SAMD15: variants seen among roughly 807,000 people sequenced by gnomAD.
SAMD15 encodes the protein sterile alpha motif domain-containing protein 15.
In SAMD15, 37 loss-of-function variants were observed where a neutral mutation model predicts 50.5. That is an observed-to-expected ratio of 0.73 (90% CI 0.56 to 0.96). The LOEUF (loss-of-function observed/expected upper bound fraction) is 0.96. SAMD15 is among the 40% of genes least tolerant of loss of function. The pLI is 0.00. For missense variants in SAMD15, 789 were observed against 783.8 expected (o/e 1.01, Z -0.08); for synonymous variants, 255 against 282.8 (o/e 0.90, Z 0.99).
chr14:77,378,736 G>A lies in SAMD15; in HGVS notation c.1318G>A (p.Glu440Lys). The A allele has an allele frequency of 6.2e-7, 1 of 1,612,762 alleles. No individual in the cohort carries two copies. The highest frequency in any genetic ancestry group is 1.1e-5 in the South Asian group (1 of 90,702). ...GTATTCTGTAGGAAACGATGAGCTA[G>A]AGCACCGTGAGCCTAAAAGAGGAAA... ...SKYSVGNDEL[E>K]HREPKRGKLS... Residue 440 changes from glutamate (E) to lysine (K), a missense_variant, in exon 1 of 3, where the codon GAG becomes AAG. Glu to Lys is a moderately conservative substitution (Grantham distance 56, BLOSUM62 1). Transcript: ENST00000216471.
chr14:77,381,371 A>T (rs952498809), intron 2 of SAMD15, among the ~76,000 whole-genome samples: 1 of 152,186 alleles, frequency 6.6e-6, no homozygotes, highest in African/African-American at 2.4e-5. Context: ...CATCACAAAC[A>T]ATCTCACGTG....
rs1566702738 is a variant in SAMD15, at chr14:77,391,125, G to T, written c.1906G>T (p.Gly636Trp). 1.2e-6 allele frequency: 2 copies of T among 1,613,432 alleles called. No individual in the cohort carries two copies. The highest frequency in any genetic ancestry group is 1.7e-6 in the Non-Finnish European group (2 of 1,179,556). The stretch of plus-strand genomic sequence containing the variant: ...ATATTTAGAGCAAAAAGGTCATACT[G>T]GGATAAAATCTGATTCCTTGACTTT... ...GLYLEQKGHTGIKSDSLTLSE... is the reference protein window; with the variant it reads ...GLYLEQKGHTWIKSDSLTLSE... The change falls in exon 3 of 3, where the codon GGG becomes TGG. Residue 636 changes from glycine to tryptophan, a missense_variant. Transcript: ENST00000216471.
intron 2 of SAMD15, among the ~76,000 whole-genome samples, chr14:77,387,466 C>T (rs1482490346): frequency 6.6e-6 from 1 of 151,960 alleles, no homozygotes; most frequent in African/African-American, 2.4e-5. Context: ...AAAGAAACTG[C>T]AGTTTTAGTT....
rs1893894641 is a variant in SAMD15, at chr14:77,378,638, C to T, written c.1220C>T (p.Pro407Leu). The change falls in exon 1 of 3, where the codon CCA becomes CTA. Residue 407 changes from proline to leucine, a missense_variant. Around this residue, in one of 2 missense-constraint regions of SAMD15, gnomAD observed 770 missense variants for 745.4 expected, o/e 1.03. Coordinates refer to ENST00000216471, the MANE Select transcript of SAMD15 (RefSeq NM_001010860.4). ...CCAACTGAGAAAATTCTAGAGTTAC[C>T]AGATGAAACCAAACCAAGGGAGACA... is the stretch of plus-strand genomic sequence containing the variant. ...TKPTEKILEL[P>L]DETKPRETHV... 1.2e-6 allele frequency: 2 copies of T among 1,613,890 alleles called. No homozygotes were observed. The highest frequency in any genetic ancestry group is 1.3e-5 in the African/African-American group (1 of 74,896).
At chr14:77,381,040 C>T (rs571431738) in intron 2 of SAMD15, among the ~76,000 whole-genome samples, 1 of 152,236 alleles carries the variant, frequency 6.6e-6, no homozygotes, top group South Asian at 2.1e-4. Flanking sequence ...TCAGTTCCCC[C>T]ATCCTCTGTA....
Position 77,377,575 on chromosome 14 carries a change from C to T in SAMD15, c.157C>T (p.Gln53Ter), listed in dbSNP as rs1398740205. The change falls in exon 1 of 3, where the codon CAA becomes TAA. Residue 53 changes from glutamine to a stop codon, truncating the protein, a stop_gained. Coordinates refer to ENST00000216471, the MANE Select transcript of SAMD15 (RefSeq NM_001010860.4). LOFTEE classifies it high-confidence loss of function. ...ADSKLPAEIY[Q>*]EPQPETEEED... is the part of the protein sequence containing the mutation. ...CTCGAAGCTACCAGCAGAGATTTAC[C>T]AAGAGCCACAGCCAGAGACCGAGGA... 1 of 1,614,086 alleles carries T rather than the reference C, an allele frequency of 6.2e-7. No homozygotes were observed. Among genetic ancestry groups the T allele is most frequent in the Admixed American group, 1.7e-5 (1 of 60,014 alleles).
At position 77,377,728 on chromosome 14, in the gene SAMD15, C is replaced by G; in HGVS notation, c.310C>G (p.His104Asp). 1 of 1,614,180 alleles carries G rather than the reference C, an allele frequency of 6.2e-7. No homozygotes were observed. The highest frequency in any genetic ancestry group is 2.2e-5 in the East Asian group (1 of 44,888). ...DVPSETEPGIHQEVKSETSRE... is the reference protein window; with the variant it reads ...DVPSETEPGIDQEVKSETSRE... ...ACCAAGCGAAACTGAACCAGGGATA[C>G]ACCAAGAGGTAAAGTCGGAAACATC... The change falls in exon 1 of 3, where the codon CAC (histidine) becomes GAC (aspartate). Residue 104 changes from histidine to aspartate, a missense_variant. Coordinates refer to ENST00000216471, the MANE Select transcript of SAMD15 (RefSeq NM_001010860.4).
rs1594860187 is a variant in SAMD15 at position 77,378,556 on chromosome 14, G to T, written c.1138G>T (p.Gly380Cys). 2 of 1,613,220 alleles carry T rather than the reference G, an allele frequency of 1.2e-6. No individual in the cohort carries two copies. Among genetic ancestry groups the T allele is most frequent in the Non-Finnish European group, 1.7e-6 (2 of 1,179,706 alleles). ...AAATCCACAGCCACCAGAGGAGACTGGTCCAGTGCTACCACAGGAGATCAA... is the reference window on the plus strand; with the variant it reads ...AAATCCACAGCCACCAGAGGAGACTTGTCCAGTGCTACCACAGGAGATCAA... ...KKNPQPPEET[G>C]PVLPQEINPQ... Residue 380 changes from glycine to cysteine, a missense_variant, in exon 1 of 3, where the codon GGT (glycine) becomes TGT (cysteine). Gly to Cys is a radical substitution (Grantham distance 159, BLOSUM62 -3). Around this residue, in one of 2 missense-constraint regions of SAMD15, gnomAD observed 770 missense variants for 745.4 expected, o/e 1.03. Coordinates refer to ENST00000216471, the MANE Select transcript of SAMD15 (RefSeq NM_001010860.4).
chr14:77,379,189 C>T, intron 1 of SAMD15, 82 bp downstream of exon 1: 10 of 1,296,314 alleles, frequency 7.7e-6, no homozygotes, highest in Non-Finnish European at 9.7e-6. Flanking sequence ...TGAGCTCTTA[C>T]CTCTTTACCG....
chr14:77,383,450 G>A (rs985282419), intron 2 of SAMD15, among the ~76,000 whole-genome samples: 2 of 152,080 alleles, frequency 1.3e-5, no homozygotes, highest in African/African-American at 2.4e-5. Context: ...CTTATCTTGC[G>A]AGACACAAGA....
In SAMD15 at chr14:77,379,030, T is replaced by C. The variant is rs780434858; in HGVS notation, c.1612T>C (p.Leu538=). Residue 538 remains leucine (L), a synonymous_variant, in exon 1 of 3, where the codon TTA becomes CTA. Coordinates refer to ENST00000216471, the MANE Select transcript of SAMD15 (RefSeq NM_001010860.4). The stretch of plus-strand genomic sequence containing the variant: ...AACCCAGCCAGAAAAAGGGACTGAG[T>C]TACAATTTGAGCATCTTAATTGGGA... ...DETQPEKGTE[L]QFEHLNWDPE... is the part of the protein sequence containing the mutation. 1.2e-6 allele frequency: 2 copies of C among 1,614,058 alleles called. No homozygotes were observed. The highest frequency in any genetic ancestry group is 1.7e-6 in the Non-Finnish European group (2 of 1,179,954).
Position 77,391,561 on chromosome 14 carries a change from C to T in SAMD15, c.*317C>T, listed in dbSNP as rs1055740494. 2 of 202,708 alleles carry T rather than the reference C, an allele frequency of 9.9e-6. No individual in the cohort carries two copies. The highest frequency in any genetic ancestry group is 9.8e-6 in the Non-Finnish European group (1 of 101,616). The allele number at this position is 202,708 out of a possible 1,614,324, so 12.6% of individuals were successfully genotyped here. A position where few individuals can be genotyped will look rare whatever the true frequency, so the allele number is the denominator to read the frequency against. ...TGAAACTCCTAACAGTTGATCTGCC[C>T]GCCGTGGCGTCCCAAAGTGCTGGGA... is the stretch of plus-strand genomic sequence containing the variant. On this transcript the variant is annotated 3_prime_UTR_variant, in exon 3 of 3. Coordinates refer to ENST00000216471, the MANE Select transcript of SAMD15 (RefSeq NM_001010860.4).
intron 2 of SAMD15, among the ~76,000 whole-genome samples, chr14:77,389,350 C>A (rs10140302): frequency 0.56 from 84,721 of 151,426 alleles, 26,207 homozygotes; most frequent in African/African-American, 0.83. Context: ...AAAAAAACAA[C>A]AAAAAAGTCC....
chr14:77,379,874 T>G (rs1893921546), intron 1 of SAMD15, among the ~76,000 whole-genome samples: 1 of 152,222 alleles, frequency 6.6e-6, no homozygotes, highest in Non-Finnish European at 1.5e-5. Context: ...TAATTCAAGT[T>G]AGCCAGTTAA....
chr14:77,380,266 T>C, intron 1 of SAMD15, 117 bp from the exon 2 acceptor site: 1 of 696,876 alleles, frequency 1.4e-6, no homozygotes, highest in Non-Finnish European at 2.5e-6. Context: ...AAAAACAAAA[T>C]AATATTTTTT....
rs1403564375 is a variant in SAMD15 at position 77,377,558 on chromosome 14, T to C, written c.140T>C (p.Leu47Pro). 3.1e-6 allele frequency: 5 copies of C among 1,614,044 alleles called. 1 individual carries two copies. The African/African-American group carries it at 4.0e-5, about 13-fold the overall frequency. Residue 47 changes from leucine (L) to proline (P), a missense_variant, in exon 1 of 3, where the codon CTA (leucine) becomes CCA (proline). By Grantham distance (98) the Leu-to-Pro change is moderately conservative (BLOSUM62 -3). Transcript: ENST00000216471. ...ACCATGGCAAAGGCAGACTCGAAGC[T>C]ACCAGCAGAGATTTACCAAGAGCCA... ...PDTMAKADSK[L>P]PAEIYQEPQP...
intron 2 of SAMD15, among the ~76,000 whole-genome samples, chr14:77,389,149 C>T (rs528277999): frequency 9.9e-5 from 15 of 152,156 alleles, no homozygotes; most frequent in Non-Finnish European, 1.8e-4. Flanking sequence ...AATCCTTACT[C>T]GGAATGCCAA....
chr14:77,388,615 T>G (rs1431058422), intron 2 of SAMD15, among the ~76,000 whole-genome samples: 1 of 151,716 alleles, frequency 6.6e-6, no homozygotes, highest in African/African-American at 2.4e-5. Flanking sequence ...TTTTTTTGTT[T>G]GTTTGTTTTT....
chr14:77,384,656 C>T (rs946166922), intron 2 of SAMD15, among the ~76,000 whole-genome samples: 1 of 151,926 alleles, frequency 6.6e-6, no homozygotes, highest in Admixed American at 6.6e-5. Context: ...TATATTTTTC[C>T]TGCTGCAGCC....
Sources: gnomAD v4.1 joint callset for allele counts (sites outside exome capture counted in the v4.1 genomes callset) on GRCh38, gnomAD v4.1.1 for gene constraint, gnomAD v4.1.1 regional missense constraint, MANE v1.5 for transcripts, NCBI Gene and HGNC (gene_info 2026-07-23, HGNC 2026-07-21) for gene names.